ZNF695: variants seen among roughly 807,000 people sequenced by gnomAD.
ZNF695 encodes zinc finger protein SBZF3.
Under a neutral mutation model 11.2 loss-of-function variants are expected in ZNF695, and 11 were observed. The ratio of observed to expected loss-of-function variants is 0.98; its 90% CI spans 0.62 to 1.62. The LOEUF is 1.62. Among genes scored for constraint, ZNF695 ranks in the 40% most tolerant of loss-of-function variants. The pLI is 0.00. For missense variants in ZNF695, 559 were observed against 590.5 expected (o/e 0.95, Z 0.55); for synonymous variants, 190 against 201.4 (o/e 0.94, Z 0.48).
chr1:246,983,492 A>G (rs899911947), downstream of ZNF695, among the ~76,000 whole-genome samples: 1 of 152,086 alleles, frequency 6.6e-6, no homozygotes, highest in Non-Finnish European at 1.5e-5. Context: ...TCAGTTTTGT[A>G]AAATATAAAT....
At position 246,991,847 on chromosome 1, in the gene ZNF695, C is replaced by G. The variant is rs567236181; in HGVS notation, c.260-3592G>C. Among the ~76,000 whole-genome samples, 12 of 152,262 alleles carry G rather than the reference C, an allele frequency of 7.9e-5. 1 individual carries two copies. In the South Asian group the frequency reaches 2.5e-3, roughly 32 times the overall value. On this transcript the variant is annotated intron_variant, in intron 3 of 3. Transcript: ENST00000339986. ...TTGGTTCCAGCACTATTCACAACAG[C>G]CAGACTTTGGAAGCAACCTAAGTAT...
intron 5 of ZNF695, among the ~76,000 whole-genome samples, chr1:246,957,938 T>G (rs1370505403): frequency 1.3e-5 from 2 of 152,198 alleles, no homozygotes; most frequent in African/African-American, 4.8e-5. Flanking sequence ...TATTACTACA[T>G]GCATCCTACA....
intron 5 of ZNF695, chr1:246,945,900 G>A (rs1667722813): frequency 1.3e-6 from 2 of 1,521,440 alleles, no homozygotes; most frequent in Admixed American, 3.9e-5. Flanking sequence ...ATGCTGAGGT[G>A]TTAAACCGGT....
At chr1:246,954,759 T>C (rs1033337305) in intron 5 of ZNF695, among the ~76,000 whole-genome samples, 16 of 152,160 alleles carry the variant, frequency 1.1e-4, no homozygotes, top group Admixed American at 1.0e-3. Context: ...ATCTCTATAT[T>C]CTTATAGGGT....
chr1:246,972,813 C>T (rs368547683), intron 4 of ZNF695, among the ~76,000 whole-genome samples: 12 of 151,972 alleles, frequency 7.9e-5, no homozygotes, highest in South Asian at 2.1e-4. Context: ...CCACTGAGCC[C>T]GGCAGCCTCT....
At chr1:246,996,247 C>T (rs977889601) in intron 3 of ZNF695, 3 of 283,234 alleles carry the variant, frequency 1.1e-5, no homozygotes, top group Non-Finnish European at 2.1e-5. Flanking sequence ...TCCCAGCAAC[C>T]CAGGAGGCTG....
In ZNF695 at chr1:246,987,711, G is replaced by A. The variant is rs755737253; in HGVS notation, c.804C>T (p.Tyr268=). The change falls in exon 4 of 4, where the codon TAC becomes TAT. Residue 268 remains tyrosine (Y), a synonymous_variant. Coordinates refer to ENST00000339986, the MANE Select transcript of ZNF695 (RefSeq NM_020394.5). ...VEKNHTEKKT[Y]RCEECGKAFN... ...AAGCTTTGCCACATTCTTCACATCT[G>A]TAGGTTTTCTTTTCAGTATGATTTT... is the stretch of plus-strand genomic sequence containing the variant. The A allele has an allele frequency of 5.6e-6, 9 of 1,593,130 alleles. No individual in the cohort carries two copies. Among genetic ancestry groups the A allele is most frequent in the Non-Finnish European group, 1.7e-6 (2 of 1,172,376 alleles).
In ZNF695 at chr1:247,005,316, C is replaced by A. The variant is rs116000276; in HGVS notation, c.3+2590G>T. ...AGCAAATTAATCTGTGACAGAGGCA[C>A]CAAGAACATACTTTGGGGGAAACAA... On this transcript the variant is annotated intron_variant, in intron 1 of 3. Coordinates refer to ENST00000339986, the MANE Select transcript of ZNF695 (RefSeq NM_020394.5). Among the ~76,000 whole-genome samples, 1,399 of 152,190 alleles carry A rather than the reference C, an allele frequency of 9.2e-3. 28 individuals carry two copies. Among genetic ancestry groups the A allele is most frequent in the African/African-American group, 0.031 (1,280 of 41,528 alleles).
At chr1:246,978,455 TA>T (rs1668622681) in intron 4 of ZNF695, among the ~76,000 whole-genome samples, 2 of 152,222 alleles carry the variant, frequency 1.3e-5, no homozygotes, top group Non-Finnish European at 2.9e-5. Context: ...TGTGGTGCTT[TA>T]ATTTGCATGA....
rs191150113 is a variant in ZNF695, at chr1:246,987,975, T to G, written c.540A>C (p.Gly180=). 3.5e-4 allele frequency: 558 copies of G among 1,607,338 alleles called. 1 individual carries two copies. The Middle Eastern group carries it at 9.0e-3, about 26-fold the overall frequency. Residue 180 remains glycine (G), a synonymous_variant, in exon 4 of 4, where the codon GGA becomes GGC. Transcript: ENST00000339986. The stretch of plus-strand genomic sequence containing the variant: ...ATTCTTTGCATTTGAATGGTTTTTC[T>G]CCAGTATGGCTTATCTTACATTTAT... ...NLNKCKISHT[G]EKPFKCKECG... is the part of the protein sequence containing the mutation.
chr1:246,979,113 A>T (rs1225930266), intron 4 of ZNF695, among the ~76,000 whole-genome samples: 1 of 152,166 alleles, frequency 6.6e-6, no homozygotes, highest in African/African-American at 2.4e-5. Flanking sequence ...GCTAGGATCT[A>T]AAGTCTTTAC....
intron 4 of ZNF695, among the ~76,000 whole-genome samples, chr1:246,976,531 A>G (rs1394351583): frequency 3.3e-5 from 5 of 151,920 alleles, no homozygotes; most frequent in African/African-American, 1.2e-4. Context: ...GCGGTGGCTC[A>G]CACCTGTAAT....
In ZNF695 at chr1:246,986,542, T is replaced by C. The variant is rs1168976198; in HGVS notation, c.*425A>G. The stretch of plus-strand genomic sequence containing the variant: ...AATTCTTGGATGTGTTTTGATGTAA[T>C]TTTTGATTAGACATTTTTTCACATT... On this transcript the variant is annotated 3_prime_UTR_variant, in exon 4 of 4. Coordinates refer to ENST00000339986, the MANE Select transcript of ZNF695 (RefSeq NM_020394.5). 1.0e-6 allele frequency: 1 copy of C among 991,008 alleles called. No individual in the cohort carries two copies. 61.4% of individuals were successfully genotyped at this position (991,008 alleles called of 1,614,324 possible). A position where few individuals can be genotyped will look rare whatever the true frequency, so the allele number is the denominator to read the frequency against.
intron 5 of ZNF695, among the ~76,000 whole-genome samples, chr1:246,960,833 T>A (rs1243862475): frequency 6.6e-6 from 1 of 152,074 alleles, no homozygotes; most frequent in Non-Finnish European, 1.5e-5. Context: ...CTTGGGAGTC[T>A]GAGGTGGGAG....
chr1:246,955,654 TC>T (rs1354820532), intron 5 of ZNF695, among the ~76,000 whole-genome samples: 1 of 152,188 alleles, frequency 6.6e-6, no homozygotes, highest in African/African-American at 2.4e-5. Flanking sequence ...GGAGGCTTTT[TC>T]CCCAAGATTT....
chr1:246,968,936 C>T (rs950421502), intron 4 of ZNF695: 7 of 152,280 alleles, frequency 4.6e-5, no homozygotes, highest in African/African-American at 1.7e-4. Context: ...CTGTTTTTCC[C>T]TCCTAGGCCT....
At chr1:246,977,697 C>T (rs1475847533) in intron 4 of ZNF695, among the ~76,000 whole-genome samples, 1 of 152,222 alleles carries the variant, frequency 6.6e-6, no homozygotes, top group Admixed American at 6.5e-5. Flanking sequence ...TCATACATCT[C>T]ATTCTGTAGC....
At chr1:246,956,686 G>T (rs145984791) in intron 5 of ZNF695, among the ~76,000 whole-genome samples, 11 of 152,198 alleles carry the variant, frequency 7.2e-5, no homozygotes, top group African/African-American at 2.2e-4. Flanking sequence ...TATGTTATTA[G>T]ATATCATGAA....
chr1:246,958,509 G>C (rs1327923087), intron 5 of ZNF695, among the ~76,000 whole-genome samples: 1 of 152,120 alleles, frequency 6.6e-6, no homozygotes, highest in East Asian at 1.9e-4. Flanking sequence ...CCATCACATA[G>C]TAAGGAGACT....
Sources: gnomAD v4.1 joint callset for allele counts (sites outside exome capture counted in the v4.1 genomes callset) on GRCh38, gnomAD v4.1.1 for gene constraint, MANE v1.5 for transcripts, NCBI Gene and HGNC (gene_info 2026-07-23, HGNC 2026-07-21) for gene names.